XKR6: variants seen among roughly 807,000 people sequenced by gnomAD.
XKR6 encodes the protein XK-related protein 6.
In XKR6, 22 loss-of-function variants were observed where a neutral mutation model predicts 56.7. The observed-to-expected ratio is 0.39, with a 90% CI of 0.28 to 0.55. The LOEUF (loss-of-function observed/expected upper bound fraction) is 0.55. Ranked by LOEUF, XKR6 falls within the 20% of genes least tolerant of loss-of-function variation. The pLI is 0.66. For synonymous variants in XKR6, 524 were observed against 387.8 expected (o/e 1.35, Z -4.13); for missense variants, 852 against 889.0 (o/e 0.96, Z 0.53).
chr8:10,983,802 C>A (rs757686458), intron 1 of XKR6, among the ~76,000 whole-genome samples: 1 of 151,984 alleles, frequency 6.6e-6, no homozygotes, highest in Admixed American at 6.6e-5. Flanking sequence ...ACTACAGGTG[C>A]CCGCCACCAT....
intron 1 of XKR6, among the ~76,000 whole-genome samples, chr8:11,042,356 G>T (rs1014400231): frequency 6.6e-6 from 1 of 152,118 alleles, no homozygotes; most frequent in African/African-American, 2.4e-5. Flanking sequence ...CATGTCATGG[G>T]AGGGACCCGG....
At chr8:11,030,787 A>C (rs1798975709) in intron 1 of XKR6, among the ~76,000 whole-genome samples, 1 of 152,132 alleles carries the variant, frequency 6.6e-6, no homozygotes, top group Non-Finnish European at 1.5e-5. Flanking sequence ...GAATGGTATG[A>C]AGTGAAACCT....
Position 11,201,460 on chromosome 8 carries a change from G to A in XKR6, c.-121C>T, listed in dbSNP as rs1804242967. 1 of 501,654 alleles carries A rather than the reference G, an allele frequency of 2.0e-6. No homozygotes were observed. Among genetic ancestry groups the A allele is most frequent in the South Asian group, 2.1e-5 (1 of 47,610 alleles). The allele number at this position is 501,654 out of a possible 1,614,324, so 31.1% of individuals were successfully genotyped here. ...AGGAAGGGGGGCGGGGAGGAAGCGG[G>A]GGAGCAAACGAACGAGGGGGGAGTG... is the stretch of plus-strand genomic sequence containing the variant. On this transcript the variant is annotated 5_prime_UTR_variant, in exon 1 of 3. Transcript: ENST00000416569.
At chr8:10,965,057 G>A (rs1802176447) in intron 1 of XKR6, among the ~76,000 whole-genome samples, 1 of 152,220 alleles carries the variant, frequency 6.6e-6, no homozygotes, top group South Asian at 2.1e-4. Context: ...CAACTGGACT[G>A]GACCACAAGC....
chr8:11,039,586 C>T (rs1350348913), intron 1 of XKR6, among the ~76,000 whole-genome samples: 22 of 152,192 alleles, frequency 1.4e-4, no homozygotes, highest in Admixed American at 1.4e-3. Context: ...CACGCGCTGG[C>T]CCCAACGTCC....
intron 1 of XKR6, among the ~76,000 whole-genome samples, chr8:11,090,669 T>C (rs1459441259): frequency 6.6e-6 from 1 of 152,246 alleles, no homozygotes; most frequent in African/African-American, 2.4e-5. Flanking sequence ...TACACCGATC[T>C]TTTGATTTCC....
intron 1 of XKR6, among the ~76,000 whole-genome samples, chr8:11,127,324 T>C (rs959355263): frequency 6.6e-6 from 1 of 152,252 alleles, no homozygotes; most frequent in East Asian, 1.9e-4. Flanking sequence ...TTACTTATCT[T>C]TTTTAAACTT....
chr8:11,027,364 C>T (rs977903302), intron 1 of XKR6, among the ~76,000 whole-genome samples: 1 of 152,062 alleles, frequency 6.6e-6, no homozygotes, highest in African/African-American at 2.4e-5. Context: ...TTTCATCTTA[C>T]TTCTTTTTAC....
At chr8:11,193,424 A>T (rs75553373) in intron 1 of XKR6, among the ~76,000 whole-genome samples, 2 of 152,210 alleles carry the variant, frequency 1.3e-5, no homozygotes, top group African/African-American at 4.8e-5. Flanking sequence ...ACCAAGATCT[A>T]CCCACATTAG....
At chr8:11,172,899 C>T (rs1235695433) in intron 1 of XKR6, among the ~76,000 whole-genome samples, 1 of 152,116 alleles carries the variant, frequency 6.6e-6, no homozygotes, top group African/African-American at 2.4e-5. Context: ...AAGATTCTTG[C>T]AGGCAGGCTG....
At chr8:11,194,381 T>C (rs1035322905) in intron 1 of XKR6, 2 of 152,308 alleles carry the variant, frequency 1.3e-5, no homozygotes, top group South Asian at 4.1e-4. Flanking sequence ...TTCTTAAGTA[T>C]CTCCAATAGC....
At chr8:11,190,204 A>AAAAGAAAGAAAGAAAGAAAAG in intron 1 of XKR6, among the ~76,000 whole-genome samples, 1 of 120,980 alleles carries the variant, frequency 8.3e-6, no homozygotes, top group Non-Finnish European at 1.7e-5. Flanking sequence ...AGAAAGAAAG[A>AAAAGAAAGAAAGAAAGAAAAG]AAAGAAAGAA....
At chr8:10,906,503 T>C (rs1800193980) in intron 2 of XKR6, among the ~76,000 whole-genome samples, 1 of 152,224 alleles carries the variant, frequency 6.6e-6, no homozygotes, top group African/African-American at 2.4e-5. Context: ...CTTTTAAAAC[T>C]TTTGCTGAAA....
chr8:11,051,548 A>G (rs2129159914), intron 1 of XKR6, among the ~76,000 whole-genome samples: 1 of 152,280 alleles, frequency 6.6e-6, no homozygotes, highest in South Asian at 2.1e-4. Flanking sequence ...TGCTCAAGCC[A>G]AAAAAATAAG....
intron 1 of XKR6, among the ~76,000 whole-genome samples, chr8:11,173,515 G>C (rs1304288264): frequency 1.3e-5 from 2 of 151,914 alleles, no homozygotes; most frequent in Non-Finnish European, 2.9e-5. Flanking sequence ...GACTAAACTG[G>C]AATCTCTTTA....
chr8:10,952,739 A>T (rs60724652), intron 1 of XKR6, among the ~76,000 whole-genome samples: 67,412 of 151,668 alleles, frequency 0.44, 15,590 homozygotes, highest in Middle Eastern at 0.5. Context: ...TGTTTGGATC[A>T]CGGGGGCGGA....
chr8:11,150,363 T>G (rs745445075), intron 1 of XKR6, among the ~76,000 whole-genome samples: 6 of 152,226 alleles, frequency 3.9e-5, no homozygotes, highest in Non-Finnish European at 8.8e-5. Context: ...TAAAATATCA[T>G]GTATCAATTT....
chr8:11,195,106 A>C (rs577577814), intron 1 of XKR6: 3 of 702,924 alleles, frequency 4.3e-6, no homozygotes, highest in Non-Finnish European at 7.8e-6. Flanking sequence ...CAGCTAAGCA[A>C]GTATTTCTGG....
At chr8:10,901,726 G>T (rs894258694) in intron 2 of XKR6, among the ~76,000 whole-genome samples, 1 of 152,168 alleles carries the variant, frequency 6.6e-6, no homozygotes, top group African/African-American at 2.4e-5. Flanking sequence ...TCAGAAAAGC[G>T]TGAGTGCTGA....
Sources: gnomAD v4.1 joint callset for allele counts (sites outside exome capture counted in the v4.1 genomes callset) on GRCh38, gnomAD v4.1.1 for gene constraint, MANE v1.5 for transcripts, NCBI Gene and HGNC (gene_info 2026-07-23, HGNC 2026-07-21) for gene names.